The following SFT2D1 variants were observed in gnomAD, a reference collection of about 807,000 sequenced individuals.
SFT2D1 encodes SFT2 domain containing 1, also known as vesicle transport protein SFT2A.
A neutral mutation model predicts 28.1 loss-of-function variants in SFT2D1; 24 were observed. The ratio of observed to expected loss-of-function variants is 0.85; its 90% confidence interval spans 0.62 to 1.20. SFT2D1 has a LOEUF of 1.20. SFT2D1 is among the 50% of genes most tolerant of loss of function. SFT2D1 has a pLI of 0.00. For synonymous variants in SFT2D1, 82 were observed against 73.7 expected, an observed-to-expected ratio of 1.11 and a Z score of -0.58; for missense variants, 181 against 190.9, an observed-to-expected ratio of 0.95 and a Z score of 0.31.
chr6:166,329,465 G>C (rs760910902), intron 3 of SFT2D1, 42 bp downstream of exon 3: 2 of 1,550,206 alleles, frequency 1.3e-6, no homozygotes, highest in Non-Finnish European at 1.8e-6. Context: ...AGGTAAATTT[G>C]GTAGCAAGAG....
Position 166,326,123 on chromosome 6 carries a change from A to G in SFT2D1, c.351+9T>C. 1 of 1,613,726 alleles carries G rather than the reference A, an allele frequency of 6.2e-7. No individual in the cohort carries two copies. The highest frequency in any genetic ancestry group is 8.5e-7 in the Non-Finnish European group (1 of 1,179,616). ...TTAACTGAAAGCCAGTAGGGCTGAC[A>G]TAACTTACCCAAAGAGCAGCACACA... On this transcript the variant is annotated intron_variant, in intron 5 of 7. Transcript: ENST00000361731.
chr6:166,340,042 G>C (rs1477491768), intron 1 of SFT2D1, among the ~76,000 whole-genome samples: 6 of 152,170 alleles, frequency 3.9e-5, no homozygotes, highest in Non-Finnish European at 7.3e-5. Context: ...AGATGCTCAG[G>C]TCGAATGCCA....
chr6:166,332,945 C>G (rs889948981), intron 1 of SFT2D1, among the ~76,000 whole-genome samples: 2 of 152,174 alleles, frequency 1.3e-5, no homozygotes, highest in Non-Finnish European at 2.9e-5. Flanking sequence ...CTTTAAGTGA[C>G]GGAGAAGCTG....
chr6:166,339,998 T>TC (rs1778746662), intron 1 of SFT2D1, among the ~76,000 whole-genome samples: 1 of 152,158 alleles, frequency 6.6e-6, no homozygotes, highest in South Asian at 2.1e-4. Context: ...AACCTGCTCC[T>TC]CCCACAGTCA....
At chr6:166,327,089 G>C (rs961833942) in intron 4 of SFT2D1, among the ~76,000 whole-genome samples, 1 of 151,948 alleles carries the variant, frequency 6.6e-6, no homozygotes, top group South Asian at 2.1e-4. Context: ...ACTCTAGTGA[G>C]GAGATGGGAG....
In SFT2D1 at chr6:166,326,142, G is replaced by C. The variant is rs1051954439; in HGVS notation, c.341C>G (p.Ala114Gly). The C allele has an allele frequency of 1.9e-6, 3 of 1,613,840 alleles. No homozygotes were observed. The highest frequency in any genetic ancestry group is 2.5e-6 in the Non-Finnish European group (3 of 1,179,770). The part of the protein sequence containing the change: ...MLLCFIFTLC[A>G]ALWWHKKGLA... Reference sequence around the variant, plus strand: ...GCTGACATAACTTACCCAAAGAGCAGCACACAGGGTAAATATGAAACACAA... The same window carrying C: ...GCTGACATAACTTACCCAAAGAGCACCACACAGGGTAAATATGAAACACAA... Residue 114 changes from alanine to glycine, a missense_variant, in exon 5 of 8, where the codon GCT becomes GGT. By Grantham distance (60) the Ala-to-Gly change is moderately conservative. Transcript: ENST00000361731.
chr6:166,326,069 A>G, intron 5 of SFT2D1, 63 bp downstream of exon 5: 2 of 1,422,742 alleles, frequency 1.4e-6, no homozygotes. Flanking sequence ...TGGTGTGATG[A>G]CACGTCAGCT....
chr6:166,329,500 A>G lies in SFT2D1; in HGVS notation c.233+7T>C, dbSNP rs376079965. 6.2e-7 allele frequency: 1 copy of G among 1,602,948 alleles called. No individual in the cohort carries two copies. The highest frequency in any genetic ancestry group is 1.3e-5 in the African/African-American group (1 of 74,570). On this transcript the variant is annotated splice_region_variant and intron_variant, in intron 3 of 7. Coordinates refer to ENST00000361731, the MANE Select transcript of SFT2D1 (RefSeq NM_145169.3). ...GCAAACAAGATATTTTGAGAAGCCA[A>G]ACGTACCTGGCTAACGCAGCAAGAT...
At chr6:166,336,491 G>C (rs1054187989) in intron 1 of SFT2D1, among the ~76,000 whole-genome samples, 7 of 152,046 alleles carry the variant, frequency 4.6e-5, no homozygotes, top group African/African-American at 1.7e-4. Context: ...CTGTAGACTG[G>C]GTAGCTTATA....
intron 6 of SFT2D1, chr6:166,323,113 C>T: frequency 2.3e-6 from 1 of 434,692 alleles, no homozygotes; most frequent in South Asian, 6.2e-5. Context: ...CTTTAACAAG[C>T]AACCTGCACT....
Position 166,335,031 on chromosome 6 carries a change from T to C in SFT2D1, c.64-4784A>G, listed in dbSNP as rs1472147705. ...AAAAGGGGCTATGCCTTCGTGCCTC[T>C]GACAACCACGACGCTGTGGACAAGA... is the stretch of plus-strand genomic sequence containing the variant. On this transcript the variant is annotated intron_variant, in intron 1 of 7. Transcript: ENST00000361731. 1.4e-5 allele frequency: 7 copies of C among 511,320 alleles called. No homozygotes were observed. In the East Asian group the frequency reaches 3.2e-4, roughly 24 times the overall value. The allele number at this position is 511,320 out of a possible 1,614,324, so 31.7% of individuals were successfully genotyped here.
rs796991641 is a variant in SFT2D1, at chr6:166,330,791, C to T, written c.64-544G>A. Among the ~76,000 whole-genome samples, 5 of 152,352 alleles carry T rather than the reference C, an allele frequency of 3.3e-5. 1 individual carries two copies. Among genetic ancestry groups the T allele is most frequent in the African/African-American group, 1.2e-4 (5 of 41,578 alleles). ...CTTCCACACGCCACCTCCCTTCGGCCGGTCATTGGCTGCAGGCCAGGGGTG... is the reference window on the plus strand; with the variant it reads ...CTTCCACACGCCACCTCCCTTCGGCTGGTCATTGGCTGCAGGCCAGGGGTG... On this transcript the variant is annotated intron_variant, in intron 1 of 7. Coordinates refer to ENST00000361731, the MANE Select transcript of SFT2D1 (RefSeq NM_145169.3).
intron 7 of SFT2D1, among the ~76,000 whole-genome samples, chr6:166,322,013 A>G (rs775941316): frequency 6.6e-6 from 1 of 152,124 alleles, no homozygotes; most frequent in East Asian, 1.9e-4. Flanking sequence ...CCTCCCAAGT[A>G]GCTGGGATTA....
intron 5 of SFT2D1, 46 bp from the exon 6 acceptor site, chr6:166,324,641 A>G (rs1778412322): frequency 6.4e-7 from 1 of 1,554,934 alleles, no homozygotes; most frequent in African/African-American, 1.4e-5. Context: ...AAAGTTTTAA[A>G]AACATCTTTC....
In SFT2D1 at chr6:166,324,791, T is replaced by G. The variant is rs543834109; in HGVS notation, c.352-196A>C. On this transcript the variant is annotated intron_variant, in intron 5 of 7. Transcript: ENST00000361731. ...AAAATACATTTCCTTTCTAAAACTA[T>G]ATCCATTAATTTAAATACTGCAAAA... is the stretch of plus-strand genomic sequence containing the variant. 842 of 560,924 alleles carry G rather than the reference T, an allele frequency of 1.5e-3. 7 individuals are homozygous for G. Among genetic ancestry groups the G allele is most frequent in the South Asian group, 9.7e-3 (392 of 40,610 alleles). 34.7% of individuals were successfully genotyped at this position (560,924 alleles called of 1,614,324 possible).
At position 166,338,892 on chromosome 6, in the gene SFT2D1, C is replaced by T. The variant is rs570805389; in HGVS notation, c.63+3527G>A. 4.6e-5 allele frequency among the ~76,000 whole-genome samples: 7 copies of T among 152,226 alleles called. No homozygotes were observed. In the East Asian group the frequency reaches 5.8e-4, roughly 13 times the overall value. The stretch of plus-strand genomic sequence containing the variant: ...GAACTCTGGCTACCGTGCCTCTCCC[C>T]GGGGCTCAAAGCGCCTGCATAGGAG... On this transcript the variant is annotated intron_variant, in intron 1 of 7. Coordinates refer to ENST00000361731, the MANE Select transcript of SFT2D1 (RefSeq NM_145169.3).
At chr6:166,324,184 T>G (rs1029576180) in intron 6 of SFT2D1, 1 of 199,766 alleles carries the variant, frequency 5.0e-6, no homozygotes, top group African/African-American at 2.3e-5. Flanking sequence ...GAGTGGAGAA[T>G]GCAGGTAAAC....
At chr6:166,335,181 TG>T in intron 1 of SFT2D1, 1 of 620,832 alleles carries the variant, frequency 1.6e-6, no homozygotes, top group Non-Finnish European at 3.0e-6. Flanking sequence ...GAAACTTTGG[TG>T]GTGGTTGTGG....
At chr6:166,342,168 G>A (rs114819120) in intron 1 of SFT2D1, among the ~76,000 whole-genome samples, 2,142 of 152,014 alleles carry the variant, frequency 0.014, 55 homozygotes, top group African/African-American at 0.049. Flanking sequence ...GACGTTAGCG[G>A]ATTCCTAAGT....
Sources: gnomAD v4.1 joint callset for allele counts (sites outside exome capture counted in the v4.1 genomes callset) on GRCh38, gnomAD v4.1.1 for gene constraint, MANE v1.5 for transcripts, NCBI Gene and HGNC (gene_info 2026-07-23, HGNC 2026-07-21) for gene names.